EXOC2: variants seen among roughly 807,000 people sequenced by gnomAD.
The protein encoded by EXOC2 is exocyst complex component 2.
Under a neutral mutation model 131.8 loss-of-function variants are expected in EXOC2, and 70 were observed. The ratio of observed to expected loss-of-function variants is 0.53; its 90% CI spans 0.44 to 0.65. The LOEUF (loss-of-function observed/expected upper bound fraction) is 0.65, where lower values mean the gene tolerates loss of function less well. Among genes scored for constraint, EXOC2 ranks in the 30% least tolerant of loss-of-function variants. EXOC2 has a pLI of 0.00. For missense variants in EXOC2, 923 were observed against 1,108.6 expected (o/e 0.83, Z 2.38); for synonymous variants, 411 against 398.4 (o/e 1.03, Z -0.38).
chr6:512,497 G>A (rs1764909927), intron 23 of EXOC2, among the ~76,000 whole-genome samples: 1 of 152,140 alleles, frequency 6.6e-6, no homozygotes, highest in African/African-American at 2.4e-5. Flanking sequence ...CGTAAAATAT[G>A]TAACAGACTG....
intron 1 of EXOC2, among the ~76,000 whole-genome samples, chr6:683,607 A>T (rs994369729): frequency 6.6e-6 from 1 of 152,256 alleles, no homozygotes; most frequent in Non-Finnish European, 1.5e-5. Context: ...ATTTCATTAA[A>T]ACTGTTAAAC....
rs542806792 is a variant in EXOC2 at position 486,523 on chromosome 6, G to C, written c.*148C>G. 68 of 658,974 alleles carry C rather than the reference G, an allele frequency of 1.0e-4. No homozygotes were observed. Among genetic ancestry groups the C allele is most frequent in the South Asian group, 8.1e-4 (40 of 49,480 alleles). The allele number at this position is 658,974 out of a possible 1,614,324, so 40.8% of individuals were successfully genotyped here. On this transcript the variant is annotated 3_prime_UTR_variant, in exon 28 of 28. Transcript: ENST00000230449. Reference sequence around the variant, plus strand: ...CAAATGAGGTCATTTTGGTTGAAATGTATACCAACAATTTTCGAAGTCAGA... The same window carrying C: ...CAAATGAGGTCATTTTGGTTGAAATCTATACCAACAATTTTCGAAGTCAGA...
At chr6:488,586 A>T (rs1456304324) in intron 27 of EXOC2, among the ~76,000 whole-genome samples, 1 of 150,546 alleles carries the variant, frequency 6.6e-6, no homozygotes, top group African/African-American at 2.4e-5. Context: ...CTCAAAAATT[A>T]AAAAAAAAAT....
chr6:617,342 T>C (rs1315602839), intron 6 of EXOC2, among the ~76,000 whole-genome samples: 1 of 152,246 alleles, frequency 6.6e-6, no homozygotes, highest in East Asian at 1.9e-4. Flanking sequence ...TGGTATCCTA[T>C]CATCAGCCTT....
At chr6:576,068 T>C (rs1758561202) in intron 12 of EXOC2, among the ~76,000 whole-genome samples, 1 of 152,220 alleles carries the variant, frequency 6.6e-6, no homozygotes, top group Admixed American at 6.5e-5. Flanking sequence ...TTAAGAATAA[T>C]ATAAGACATT....
chr6:684,569 CTT>C (rs1764558386), intron 1 of EXOC2, among the ~76,000 whole-genome samples: 1 of 152,218 alleles, frequency 6.6e-6, no homozygotes. Flanking sequence ...CCATCTGCCT[CTT>C]TTCCTTTAAT....
At chr6:582,398 G>A (rs1399311034) in intron 11 of EXOC2, among the ~76,000 whole-genome samples, 1 of 152,136 alleles carries the variant, frequency 6.6e-6, no homozygotes, top group Non-Finnish European at 1.5e-5. Context: ...ATAGTGTAGG[G>A]AACACTGATC....
chr6:588,747 C>T (rs1209585421), intron 11 of EXOC2, among the ~76,000 whole-genome samples: 1 of 152,114 alleles, frequency 6.6e-6, no homozygotes, highest in African/African-American at 2.4e-5. Context: ...AAGTGATGAA[C>T]AAGGTGCGCA....
intron 3 of EXOC2, among the ~76,000 whole-genome samples, chr6:632,397 C>G (rs1020918370): frequency 6.6e-6 from 1 of 152,134 alleles, no homozygotes; most frequent in African/African-American, 2.4e-5. Context: ...ACACTGCTAA[C>G]GGAAGGCAGC....
intron 11 of EXOC2, among the ~76,000 whole-genome samples, chr6:578,359 A>G (rs548333578): frequency 6.6e-6 from 1 of 152,312 alleles, no homozygotes; most frequent in African/African-American, 2.4e-5. Context: ...GTGATGAATA[A>G]TATCTAAGGC....
At chr6:498,289 A>C (rs1763853177) in intron 24 of EXOC2, among the ~76,000 whole-genome samples, 1 of 152,186 alleles carries the variant, frequency 6.6e-6, no homozygotes. Flanking sequence ...GCAATTGATA[A>C]TAGACATTAA....
In EXOC2 at chr6:599,176, T is replaced by C; in HGVS notation, c.792A>G (p.Lys264=). The change falls in exon 8 of 28, where the codon AAA becomes AAG. Residue 264 remains lysine, a synonymous_variant. Transcript: ENST00000230449. ...CATTTCTAGTGGAATCTGCCTTGTCTTTCCGACCTAATACTTCTTGAAACA... is the reference window on the plus strand; with the variant it reads ...CATTTCTAGTGGAATCTGCCTTGTCCTTCCGACCTAATACTTCTTGAAACA... ...DTLFQEVLGR[K]DKADSTRNAL... 1 of 1,612,758 alleles carries C rather than the reference T, an allele frequency of 6.2e-7. No individual in the cohort carries two copies. The highest frequency in any genetic ancestry group is 8.5e-7 in the Non-Finnish European group (1 of 1,179,146).
intron 1 of EXOC2, among the ~76,000 whole-genome samples, chr6:685,285 G>C (rs1360514181): frequency 6.6e-6 from 1 of 152,140 alleles, no homozygotes; most frequent in Non-Finnish European, 1.5e-5. Context: ...GACCCCAGAA[G>C]AATCCTGTTG....
At chr6:665,835 C>T (rs543357141) in intron 1 of EXOC2, among the ~76,000 whole-genome samples, 2 of 152,254 alleles carry the variant, frequency 1.3e-5, no homozygotes, top group African/African-American at 2.4e-5. Context: ...GCAGTGTACA[C>T]TGCTTGGGTG....
intron 25 of EXOC2, among the ~76,000 whole-genome samples, chr6:491,528 GAC>G (rs1379377110): frequency 1.3e-5 from 2 of 152,278 alleles, no homozygotes; most frequent in African/African-American, 4.8e-5. Flanking sequence ...CAAGAGGAAA[GAC>G]ACTTTGAAAC....
intron 4 of EXOC2, among the ~76,000 whole-genome samples, chr6:624,574 G>C (rs1183842933): frequency 6.6e-6 from 1 of 152,160 alleles, no homozygotes; most frequent in Non-Finnish European, 1.5e-5. Context: ...TTCCAGATGA[G>C]GAAATGGCCT....
chr6:605,997 T>C (rs1488406950), intron 7 of EXOC2, among the ~76,000 whole-genome samples: 1 of 152,262 alleles, frequency 6.6e-6, no homozygotes, highest in Non-Finnish European at 1.5e-5. Flanking sequence ...TCAGTTTCCA[T>C]GTAGTTGAGC....
At chr6:624,988 A>G (rs772064503) in intron 4 of EXOC2, among the ~76,000 whole-genome samples, 19 of 152,254 alleles carry the variant, frequency 1.2e-4, no homozygotes, top group Non-Finnish European at 2.8e-4. Context: ...CAGAGACCCT[A>G]CTGTGTAAAC....
chr6:656,585 C>T, intron 1 of EXOC2: 1 of 1,593,064 alleles, frequency 6.3e-7, no homozygotes, highest in Non-Finnish European at 8.5e-7. Flanking sequence ...GGCCCAGGGA[C>T]GAGACCAGCT....
Sources: allele counts gnomAD v4.1 joint callset (sites outside exome capture counted in the v4.1 genomes callset), GRCh38; gene constraint gnomAD v4.1.1; transcripts MANE v1.5; gene names NCBI Gene and HGNC (gene_info 2026-07-23, HGNC 2026-07-21).